Variants in CCN4 observed in about 807,000 individuals in gnomAD.
CCN4 encodes cellular communication network factor 4, also known as CCN family member 4.
CCN4 carries 30 observed loss-of-function variants against 36.7 expected under a neutral mutation model. That is an observed-to-expected ratio of 0.82 (90% CI 0.61 to 1.11). The LOEUF is 1.11. CCN4 is among the 50% of genes least tolerant of loss of function. CCN4 has a pLI of 0.00. For synonymous variants in CCN4, 191 were observed against 195.4 expected (o/e 0.98, Z 0.19); for missense variants, 505 against 504.9 (o/e 1.00, Z 0.00).
At chr8:133,211,811 C>T (rs1323921883) in intron 1 of CCN4, among the ~76,000 whole-genome samples, 3 of 152,202 alleles carry the variant, frequency 2.0e-5, no homozygotes, top group African/African-American at 7.2e-5. Context: ...GCCTGGCTCC[C>T]GTCCCCGCTC....
At chr8:133,208,733 C>G (rs1853874150) in intron 1 of CCN4, among the ~76,000 whole-genome samples, 2 of 152,116 alleles carry the variant, frequency 1.3e-5, no homozygotes, top group Admixed American at 6.5e-5. Flanking sequence ...AACCCGTTCC[C>G]AGTGCCTCCT....
In CCN4 at chr8:133,222,807, T is replaced by A. The variant is rs552653428; in HGVS notation, c.610+1966T>A. ...GTTCTAAGAGTATTGGTAGTTTTTTTAAAAAAAATTATATATGCTAAAGAT... is the reference window on the plus strand; with the variant it reads ...GTTCTAAGAGTATTGGTAGTTTTTTAAAAAAAAATTATATATGCTAAAGAT... On this transcript the variant is annotated intron_variant, in intron 3 of 4. Coordinates refer to ENST00000250160, the MANE Select transcript of CCN4 (RefSeq NM_003882.4). Among the ~76,000 whole-genome samples, 196 of 151,320 alleles carry A rather than the reference T, an allele frequency of 1.3e-3. 1 individual carries two copies. Among genetic ancestry groups the A allele is most frequent in the African/African-American group, 4.3e-3 (179 of 41,154 alleles).
In CCN4 at chr8:133,231,113, T is replaced by TA. The variant is rs1426238154; in HGVS notation, c.*3404dup. On this transcript the variant is annotated 3_prime_UTR_variant, in exon 5 of 5. Transcript: ENST00000250160. ...GAAAATGATTCAGAATTATCAAAGA[T>TA]AGTAGATTCGAATGACATGATTGTC... is the stretch of plus-strand genomic sequence containing the variant. 6.6e-6 allele frequency: 1 copy of TA among 152,250 alleles called. No homozygotes were observed. Among genetic ancestry groups the TA allele is most frequent in the Non-Finnish European group, 1.5e-5 (1 of 68,054 alleles). 9.4% of individuals were successfully genotyped at this position (152,250 alleles called of 1,614,324 possible).
chr8:133,222,899 C>A (rs1172539506), intron 3 of CCN4, among the ~76,000 whole-genome samples: 1 of 151,804 alleles, frequency 6.6e-6, no homozygotes, highest in East Asian at 1.9e-4. Context: ...TGAAGGAATT[C>A]TTTGTGGTGG....
At position 133,227,917 on chromosome 8, in the gene CCN4, C is replaced by G. The variant is rs1268879569; in HGVS notation, c.*207C>G. 1 of 594,438 alleles carries G rather than the reference C, an allele frequency of 1.7e-6. No individual in the cohort carries two copies. The highest frequency in any genetic ancestry group is 3.2e-5 in the Admixed American group (1 of 30,892). 36.8% of individuals were successfully genotyped at this position (594,438 alleles called of 1,614,324 possible). A position where few individuals can be genotyped will look rare whatever the true frequency, so the allele number is the denominator to read the frequency against. The stretch of plus-strand genomic sequence containing the variant: ...TCTCCTTGATATCATTCAGCATCTA[C>G]TCTAAAGAAAAATGCCTGTCTCTAG... On this transcript the variant is annotated 3_prime_UTR_variant, in exon 5 of 5. Transcript: ENST00000250160.
Position 133,191,213 on chromosome 8 carries a change from G to T in CCN4, c.69G>T (p.Thr23=), listed in dbSNP as rs374241755. ...TAAAASTVLA[T]ALSPAPTTMD... Reference sequence around the variant, plus strand: ...CAGCCGCCAGCACCGTCCTGGCCACGGTGAGTCCTGCCTGGAGGGGCTCAG... The same window carrying T: ...CAGCCGCCAGCACCGTCCTGGCCACTGTGAGTCCTGCCTGGAGGGGCTCAG... The change falls in exon 1 of 5, where the codon ACG becomes ACT. Residue 23 remains threonine (T), a splice_region_variant and synonymous_variant. Coordinates refer to ENST00000250160, the MANE Select transcript of CCN4 (RefSeq NM_003882.4). The T allele has an allele frequency of 7.5e-6, 12 of 1,605,160 alleles. No homozygotes were observed. Among genetic ancestry groups the T allele is most frequent in the Admixed American group, 1.7e-5 (1 of 59,892 alleles).
chr8:133,217,060 C>T (rs567465981), intron 2 of CCN4, among the ~76,000 whole-genome samples: 2 of 152,334 alleles, frequency 1.3e-5, no homozygotes, highest in South Asian at 4.1e-4. Context: ...CTCACTATTA[C>T]TATGACTTTA....
chr8:133,194,364 G>T (rs1169700157), intron 1 of CCN4, among the ~76,000 whole-genome samples: 4 of 121,866 alleles, frequency 3.3e-5, no homozygotes, highest in Admixed American at 8.2e-5. Context: ...TGGTGTGTGG[G>T]GGTGTGTGTG....
chr8:133,192,133 C>T (rs568311611), intron 1 of CCN4, among the ~76,000 whole-genome samples: 9 of 152,258 alleles, frequency 5.9e-5, no homozygotes, highest in Middle Eastern at 3.4e-3. Flanking sequence ...AGCCTAGAGA[C>T]GGAGGGGTGA....
intron 1 of CCN4, among the ~76,000 whole-genome samples, chr8:133,195,720 A>G (rs16893349): frequency 0.084 from 12,856 of 152,146 alleles, 1,092 homozygotes; most frequent in African/African-American, 0.22. Flanking sequence ...GAGAGACAAA[A>G]CGCTACCTTG....
rs1396667635 is a variant in CCN4 at position 133,220,627 on chromosome 8, C to T, written c.396C>T (p.Asn132=). The part of the protein sequence containing the change: ...GCVLDGVRYN[N]GQSFQPNCKY... ...TCCTGGATGGGGTGCGCTACAACAA[C>T]GGCCAGTCCTTCCAGCCTAACTGCA... Residue 132 remains asparagine, a synonymous_variant, in exon 3 of 5, where the codon AAC becomes AAT. Coordinates refer to ENST00000250160, the MANE Select transcript of CCN4 (RefSeq NM_003882.4). 27 of 1,614,094 alleles carry T rather than the reference C, an allele frequency of 1.7e-5. No homozygotes were observed. The highest frequency in any genetic ancestry group is 4.0e-5 in the African/African-American group (3 of 74,954).
intron 4 of CCN4, 60 bp from the exon 5 acceptor site, chr8:133,227,351 A>C: frequency 6.5e-7 from 1 of 1,526,720 alleles, no homozygotes; most frequent in Non-Finnish European, 8.8e-7. Flanking sequence ...GGCTCAGGGG[A>C]AGAAGGTGGT....
chr8:133,209,387 T>C (rs1418557408), intron 1 of CCN4, among the ~76,000 whole-genome samples: 1 of 152,240 alleles, frequency 6.6e-6, no homozygotes, highest in East Asian at 1.9e-4. Context: ...GGTTTTCCCC[T>C]GCACAGATCT....
At chr8:133,199,968 G>A (rs1255025660) in intron 1 of CCN4, among the ~76,000 whole-genome samples, 1 of 152,120 alleles carries the variant, frequency 6.6e-6, no homozygotes, top group Non-Finnish European at 1.5e-5. Flanking sequence ...AGAGTTTTAC[G>A]CACTTCCATG....
intron 3 of CCN4, among the ~76,000 whole-genome samples, chr8:133,221,382 T>A (rs1410638373): frequency 6.6e-6 from 1 of 152,200 alleles, no homozygotes; most frequent in Non-Finnish European, 1.5e-5. Context: ...TTAGCAGGTA[T>A]CCAATTAATG....
At chr8:133,211,191 A>G (rs1854013886) in intron 1 of CCN4, among the ~76,000 whole-genome samples, 1 of 152,172 alleles carries the variant, frequency 6.6e-6, no homozygotes, top group South Asian at 2.1e-4. Flanking sequence ...CCTGGTGTTC[A>G]GAGAGCTTCC....
chr8:133,217,897 ATG>A (rs1854378417), intron 2 of CCN4, among the ~76,000 whole-genome samples: 1 of 136,734 alleles, frequency 7.3e-6, no homozygotes, highest in African/African-American at 2.7e-5. Flanking sequence ...AAGTCTCCAC[ATG>A]CAGGGACAGA....
chr8:133,194,555 TG>T (rs372541145), intron 1 of CCN4, among the ~76,000 whole-genome samples: 2 of 32,822 alleles, frequency 6.1e-5, no homozygotes, highest in Non-Finnish European at 1.1e-4. Flanking sequence ...GTGGTGTGTG[TG>T]GGGGGGTGGT....
chr8:133,217,143 G>A (rs1854346333), intron 2 of CCN4, among the ~76,000 whole-genome samples: 1 of 152,222 alleles, frequency 6.6e-6, no homozygotes, highest in Non-Finnish European at 1.5e-5. Flanking sequence ...TTATATCTCT[G>A]GGTGGTTAGA....
Sources: allele counts gnomAD v4.1 joint callset (sites outside exome capture counted in the v4.1 genomes callset), GRCh38; gene constraint gnomAD v4.1.1; transcripts MANE v1.5; gene names NCBI Gene and HGNC (gene_info 2026-07-23, HGNC 2026-07-21).